ADAM20: variants seen among roughly 807,000 people sequenced by gnomAD.
ADAM20 encodes the protein disintegrin and metalloproteinase domain-containing protein 20.
For missense variants in ADAM20, 871 were observed against 883.2 expected, an observed-to-expected ratio of 0.99 and a Z score of 0.18; for synonymous variants, 305 against 310.2, an observed-to-expected ratio of 0.98 and a Z score of 0.18.
chr14:70,530,472 TATC>T (rs1883687162), intron 1 of ADAM20, among the ~76,000 whole-genome samples: 1 of 152,214 alleles, frequency 6.6e-6, no homozygotes, highest in Non-Finnish European at 1.5e-5. Flanking sequence ...GGAAATCTTT[TATC>T]ATCATTATCA....
the ADAM20 span, among the ~76,000 whole-genome samples, chr14:70,558,763 TAAAC>T: frequency 1.7e-4 from 26 of 152,210 alleles, no homozygotes; most frequent in Non-Finnish European, 3.7e-4. Flanking sequence ...ATTTGCCAAA[TAAAC>T]AAACAACAAA....
chr14:70,529,354 A>G (rs1361323167), intron 1 of ADAM20, among the ~76,000 whole-genome samples: 1 of 152,246 alleles, frequency 6.6e-6, no homozygotes, highest in Non-Finnish European at 1.5e-5. Flanking sequence ...ATAGAATGAG[A>G]CTAGCTATCA....
At chr14:70,573,586 C>CAA in the ADAM20 span, among the ~76,000 whole-genome samples, 4 of 152,084 alleles carry the variant, frequency 2.6e-5, no homozygotes, top group African/African-American at 9.7e-5. Flanking sequence ...TAAAAAAAGA[C>CAA]AGAGTGGCTG....
chr14:70,572,204 T>C, the ADAM20 span, among the ~76,000 whole-genome samples: 2 of 152,018 alleles, frequency 1.3e-5, no homozygotes. Context: ...GCTGGAGACA[T>C]CACATTACCC....
At chr14:70,556,917 T>C in the ADAM20 span, 6 of 152,206 alleles carry the variant, frequency 3.9e-5, no homozygotes, top group Non-Finnish European at 8.8e-5. Context: ...CTTTGTGGTC[T>C]ACAGTGTCTA....
At chr14:70,546,975 G>C in the ADAM20 span, among the ~76,000 whole-genome samples, 1 of 152,100 alleles carries the variant, frequency 6.6e-6, no homozygotes, top group Non-Finnish European at 1.5e-5. Flanking sequence ...AAAAAAGACA[G>C]AAGACCCAAA....
chr14:70,523,378 T>C lies in ADAM20; in HGVS notation c.1380A>G (p.Pro460=). The part of the protein sequence containing the change: ...GICCKDCKFL[P]SGTLCRQQVG... The stretch of plus-strand genomic sequence containing the variant: ...CTTGTTGTCTACATAAAGTTCCTGA[T>C]GGCAGAAATTTGCAGTCTTTGCAAC... The change falls in exon 2 of 2, where the codon CCA becomes CCG. Residue 460 remains proline (P), a synonymous_variant. Transcript: ENST00000256389. 6.2e-7 allele frequency: 1 copy of C among 1,614,106 alleles called. No homozygotes were observed. The highest frequency in any genetic ancestry group is 8.5e-7 in the Non-Finnish European group (1 of 1,179,994).
chr14:70,536,465 C>CAAAAAAAAAAAAAAAAAAAAAAAAAAA (rs56738784), upstream of ADAM20, among the ~76,000 whole-genome samples: 27 of 43,126 alleles, frequency 6.3e-4, 4 homozygotes, highest in Non-Finnish European at 9.8e-4. Context: ...AACTCTGTCT[C>CAAAAAAAAAAAAAAAAAAAAAAAAAAA]AAAAAAAAAA....
the ADAM20 span, among the ~76,000 whole-genome samples, chr14:70,543,817 C>T: frequency 6.6e-6 from 1 of 152,158 alleles, no homozygotes; most frequent in Non-Finnish European, 1.5e-5. Flanking sequence ...CCAGAAAGAA[C>T]ACGCCATCCC....
the ADAM20 span, among the ~76,000 whole-genome samples, chr14:70,574,869 A>C: frequency 1.3e-5 from 2 of 152,080 alleles, no homozygotes; most frequent in African/African-American, 4.8e-5. Context: ...AAATAAGAAA[A>C]TCCTGCCATT....
At chr14:70,536,848 C>G (rs986787451), upstream of ADAM20, among the ~76,000 whole-genome samples, 2 of 151,630 alleles carry the variant, frequency 1.3e-5, no homozygotes, top group African/African-American at 4.9e-5. Flanking sequence ...CTGCCATAAA[C>G]TTCTCCCCCA....
chr14:70,546,502 A>C, the ADAM20 span, among the ~76,000 whole-genome samples: 1 of 152,168 alleles, frequency 6.6e-6, no homozygotes, highest in Admixed American at 6.5e-5. Flanking sequence ...GTGAGAGACA[A>C]ATGTTTGCAT....
chr14:70,541,261 G>C, the ADAM20 span, among the ~76,000 whole-genome samples: 1 of 152,158 alleles, frequency 6.6e-6, no homozygotes, highest in African/African-American at 2.4e-5. Flanking sequence ...AAAGTGATTA[G>C]GCCTCCTCAA....
At chr14:70,573,369 G>A in the ADAM20 span, among the ~76,000 whole-genome samples, 1 of 152,256 alleles carries the variant, frequency 6.6e-6, no homozygotes, top group Admixed American at 6.5e-5. Flanking sequence ...TTATCAATTG[G>A]CTAAACAATG....
In ADAM20 at chr14:70,524,379, T is replaced by C. The variant is rs1451148006; in HGVS notation, c.379A>G (p.Thr127Ala). The C allele has an allele frequency of 6.2e-7, 1 of 1,613,768 alleles. No individual in the cohort carries two copies. Among genetic ancestry groups the C allele is most frequent in the Non-Finnish European group, 8.5e-7 (1 of 1,179,926 alleles). Residue 127 changes from threonine to alanine, a missense_variant, in exon 2 of 2, where the codon ACC becomes GCC. Coordinates refer to ENST00000256389, the MANE Select transcript of ADAM20 (RefSeq NM_003814.5). ...GVPESLVALS[T>A]CSGGFLGMLQ... is the part of the protein sequence containing the mutation. ...ATTCCAAGAAAGCCCCCAGAACAGG[T>C]ACTAAGGGCAACCAAGGACTCAGGG... is the stretch of plus-strand genomic sequence containing the variant.
rs1833813202 is a variant in ADAM20, at chr14:70,524,647, GA to G, written c.110del (p.Phe37SerfsTer7). ...GHSQARPSQY[F>X]TSPEVVIPLK... ...AAGGGATCACCACTTCTGGAGAAGTGAAATACTGGGAGGGCCTGGCCTGAGA... is the reference window on the plus strand; with the variant it reads ...AAGGGATCACCACTTCTGGAGAAGTGAATACTGGGAGGGCCTGGCCTGAGA... On this transcript the variant is annotated frameshift_variant, in exon 2 of 2. Coordinates refer to ENST00000256389, the MANE Select transcript of ADAM20 (RefSeq NM_003814.5). LOFTEE classifies it low-confidence loss of function (END_TRUNC). The G allele has an allele frequency of 6.2e-7, 1 of 1,614,014 alleles. No homozygotes were observed. Among genetic ancestry groups the G allele is most frequent in the South Asian group, 1.1e-5 (1 of 91,076 alleles).
the ADAM20 span, among the ~76,000 whole-genome samples, chr14:70,544,302 T>C: frequency 2.6e-5 from 4 of 152,254 alleles, no homozygotes; most frequent in Non-Finnish European, 5.9e-5. Flanking sequence ...GTTGAGCCGC[T>C]TTTCATGTTT....
rs1883542674 is a variant in ADAM20, at chr14:70,524,553, C to T, written c.205G>A (p.Gly69Arg). ...GWLSYSLRFG[G>R]QRYIVHMRVN... ...CTCATGTGGACAATGTATCTCTGTCCCCCAAACCGCAGGCTATAGGAGAGC... is the reference window on the plus strand; with the variant it reads ...CTCATGTGGACAATGTATCTCTGTCTCCCAAACCGCAGGCTATAGGAGAGC... Residue 69 changes from glycine (G) to arginine (R), a missense_variant, in exon 2 of 2, where the codon GGA becomes AGA. Coordinates refer to ENST00000256389, the MANE Select transcript of ADAM20 (RefSeq NM_003814.5). The T allele has an allele frequency of 6.2e-7, 1 of 1,613,920 alleles. No homozygotes were observed. Among genetic ancestry groups the T allele is most frequent in the Non-Finnish European group, 8.5e-7 (1 of 1,179,920 alleles).
At chr14:70,557,620 G>A in the ADAM20 span, 2 of 152,362 alleles carry the variant, frequency 1.3e-5, no homozygotes, top group African/African-American at 4.8e-5. Context: ...TTTTTGGAAA[G>A]AGAAGATAGT....
Sources: gnomAD v4.1 joint callset for allele counts (sites outside exome capture counted in the v4.1 genomes callset) on GRCh38, gnomAD v4.1.1 for gene constraint, MANE v1.5 for transcripts, NCBI Gene and HGNC (gene_info 2026-07-23, HGNC 2026-07-21) for gene names.